Variants in TRANK1 observed in about 807,000 individuals in gnomAD.
The protein encoded by TRANK1 is TPR and ankyrin repeat-containing protein 1.
Under a neutral mutation model 266.0 loss-of-function variants are expected in TRANK1, and 198 were observed. That is an observed-to-expected ratio of 0.74 (90% CI 0.66 to 0.84). The LOEUF (loss-of-function observed/expected upper bound fraction) is 0.84. Ranked by LOEUF, TRANK1 falls within the 40% of genes least tolerant of loss-of-function variation. The probability of loss-of-function intolerance (pLI) is 0.00; values close to 1 mark genes in which losing one functional copy is unlikely to be tolerated. For synonymous variants in TRANK1, 1,396 were observed against 1,384.1 expected, an observed-to-expected ratio of 1.01 and a Z score of -0.19; for missense variants, 3,326 against 3,634.6, an observed-to-expected ratio of 0.92 and a Z score of 2.18.
rs2078733539 is a variant in TRANK1, at chr3:36,833,938, C to A, written c.5664-19G>T. On this transcript the variant is annotated intron_variant, in intron 21 of 23. Transcript: ENST00000645898. ...TTCATACCTGCAAAGACAAAGGACA[C>A]AAATGTCAACTTGCCATCACCCAAT... 3 of 1,571,518 alleles carry A rather than the reference C, an allele frequency of 1.9e-6. No homozygotes were observed. The highest frequency in any genetic ancestry group is 2.6e-6 in the Non-Finnish European group (3 of 1,163,402).
chr3:36,864,193 C>G, intron 10 of TRANK1, 126 bp downstream of exon 10: 1 of 1,100,720 alleles, frequency 9.1e-7, no homozygotes. Flanking sequence ...TCTGTGCTGT[C>G]TGAATGTTTT....
chr3:36,920,987 C>G (rs1371935218), intron 1 of TRANK1, among the ~76,000 whole-genome samples: 3 of 152,206 alleles, frequency 2.0e-5, no homozygotes, highest in African/African-American at 7.2e-5. Flanking sequence ...CTCGTAGTTT[C>G]AGTAAACAAC....
chr3:36,894,955 T>C (rs1310666963), intron 5 of TRANK1, among the ~76,000 whole-genome samples: 1 of 152,242 alleles, frequency 6.6e-6, no homozygotes, highest in Non-Finnish European at 1.5e-5. Context: ...CTCAGCTCAA[T>C]GCCTGGCACT....
intron 10 of TRANK1, among the ~76,000 whole-genome samples, chr3:36,862,116 T>C (rs143554119): frequency 3.3e-5 from 5 of 152,298 alleles, no homozygotes; most frequent in Admixed American, 3.3e-4. Context: ...AAATAAATTT[T>C]TGTATAAGTA....
intron 1 of TRANK1, among the ~76,000 whole-genome samples, chr3:36,920,536 A>G (rs1275701006): frequency 6.6e-6 from 1 of 152,210 alleles, no homozygotes; most frequent in Non-Finnish European, 1.5e-5. Flanking sequence ...ATTCCAAGAC[A>G]GTGTTTTATC....
Position 36,855,420 on chromosome 3 carries a change from G to A in TRANK1, c.4302C>T (p.Leu1434=). Residue 1434 remains leucine (L), a synonymous_variant, in exon 13 of 24, where the codon CTC becomes CTT. Transcript: ENST00000645898. ...TAAAGTCTTGAATCTCATCACCATAGAGCTCGTGGATGGACCATGGGAGCA... is the reference window on the plus strand; with the variant it reads ...TAAAGTCTTGAATCTCATCACCATAAAGCTCGTGGATGGACCATGGGAGCA... The part of the protein sequence containing the change: ...LRVLPWSIHE[L]YGDEIQDFTQ... 6.2e-7 allele frequency: 1 copy of A among 1,614,032 alleles called. No individual in the cohort carries two copies. The highest frequency in any genetic ancestry group is 8.5e-7 in the Non-Finnish European group (1 of 1,179,902).
At position 36,944,772 on chromosome 3, in the gene TRANK1, C is replaced by T. The variant is rs1245306305; in HGVS notation, c.23+15G>A. ...AGGCCAGAGATGCCCCAGTGCTTCCCGCGCCGCTACGCACCTAGCTGCCCG... is the reference window on the plus strand; with the variant it reads ...AGGCCAGAGATGCCCCAGTGCTTCCTGCGCCGCTACGCACCTAGCTGCCCG... On this transcript the variant is annotated intron_variant, in intron 1 of 23. Coordinates refer to ENST00000645898, the MANE Select transcript of TRANK1 (RefSeq NM_001329998.2). 1.3e-6 allele frequency: 2 copies of T among 1,498,398 alleles called. No individual in the cohort carries two copies. The highest frequency in any genetic ancestry group is 2.1e-5 in the Admixed American group (1 of 47,190). The allele number at this position is 1,498,398 out of a possible 1,614,324, so 92.8% of individuals were successfully genotyped here.
intron 1 of TRANK1, among the ~76,000 whole-genome samples, chr3:36,917,451 G>A (rs1384109561): frequency 6.6e-6 from 1 of 152,170 alleles, no homozygotes; most frequent in Non-Finnish European, 1.5e-5. Context: ...AGGGGAAGGA[G>A]GAGGCAGGAG....
Position 36,827,846 on chromosome 3 carries a change from G to A in TRANK1, c.*429C>T. On this transcript the variant is annotated 3_prime_UTR_variant, in exon 24 of 24. Transcript: ENST00000645898. ...GCACACTTGATGCTGCAGCAGTGTGGCAGGAGATGAGGGAATCCATAGAGA... is the reference window on the plus strand; with the variant it reads ...GCACACTTGATGCTGCAGCAGTGTGACAGGAGATGAGGGAATCCATAGAGA... 1 of 163,094 alleles carries A rather than the reference G, an allele frequency of 6.1e-6. No homozygotes were observed. 10.1% of individuals were successfully genotyped at this position (163,094 alleles called of 1,614,324 possible).
chr3:36,942,799 G>A (rs1399416376), intron 1 of TRANK1, among the ~76,000 whole-genome samples: 1 of 150,736 alleles, frequency 6.6e-6, no homozygotes, highest in Non-Finnish European at 1.5e-5. Context: ...GAGAGCGGCG[G>A]AAACAGAACC....
At chr3:36,866,489 GC>G (rs2079229784) in intron 9 of TRANK1, among the ~76,000 whole-genome samples, 1 of 152,132 alleles carries the variant, frequency 6.6e-6, no homozygotes, top group Non-Finnish European at 1.5e-5. Context: ...GAGAGGGGAA[GC>G]CAAACCCAGG....
intron 13 of TRANK1, among the ~76,000 whole-genome samples, chr3:36,853,851 G>C (rs147130078): frequency 6.6e-6 from 1 of 152,308 alleles, no homozygotes; most frequent in East Asian, 1.9e-4. Flanking sequence ...TGTCACCGTG[G>C]AGTGGGAAGA....
rs760432778 is a variant in TRANK1, at chr3:36,830,874, G to T, written c.8709C>A (p.Gly2903=). ...GCCCCCATCTCTGCAGACCCTTACC[G>T]CCAGCCCAGGCCTTCCGCCTGTAGA... ...EDLYRRKAWA[G]AEEAMTRLVN... The change falls in exon 22 of 24, where the codon GGC becomes GGA. Residue 2903 remains glycine, a splice_region_variant and synonymous_variant. Coordinates refer to ENST00000645898, the MANE Select transcript of TRANK1 (RefSeq NM_001329998.2). The T allele has an allele frequency of 1.3e-6, 2 of 1,597,058 alleles. No individual in the cohort carries two copies. The highest frequency in any genetic ancestry group is 4.5e-5 in the East Asian group (2 of 44,620).
At chr3:36,837,153 A>G (rs1476474705) in intron 20 of TRANK1, among the ~76,000 whole-genome samples, 2 of 152,132 alleles carry the variant, frequency 1.3e-5, no homozygotes, top group Non-Finnish European at 2.9e-5. Context: ...CCAGTTCCCA[A>G]ATGCATTCTA....
intron 3 of TRANK1, among the ~76,000 whole-genome samples, chr3:36,899,480 C>T (rs1461611733): frequency 6.6e-6 from 1 of 152,094 alleles, no homozygotes. Flanking sequence ...CATAGTGAGA[C>T]CTTGTCTCTA....
chr3:36,917,955 A>C (rs750750653), intron 1 of TRANK1, among the ~76,000 whole-genome samples: 12 of 152,208 alleles, frequency 7.9e-5, no homozygotes, highest in Non-Finnish European at 1.6e-4. Flanking sequence ...CTTGAGTAAC[A>C]CTACCCTAGA....
chr3:36,856,862 A>T lies in TRANK1; in HGVS notation c.2860T>A (p.Ser954Thr). The change falls in exon 13 of 24, where the codon TCC becomes ACC. Residue 954 changes from serine (S) to threonine (T), a missense_variant. Physicochemically the swap from Ser to Thr is moderately conservative, Grantham distance 58 (BLOSUM62 1). Coordinates refer to ENST00000645898, the MANE Select transcript of TRANK1 (RefSeq NM_001329998.2). ...TAGGCATTGCAGATGGCCTTGATGGAATCAGCCAGTTTGCAGTGATCTAAG... is the reference window on the plus strand; with the variant it reads ...TAGGCATTGCAGATGGCCTTGATGGTATCAGCCAGTTTGCAGTGATCTAAG... Reference protein sequence around the residue: ...IVLDHCKLADSIKAICNAYNR... With the variant: ...IVLDHCKLADTIKAICNAYNR... 6.2e-7 allele frequency: 1 copy of T among 1,614,028 alleles called. No individual in the cohort carries two copies. Among genetic ancestry groups the T allele is most frequent in the Non-Finnish European group, 8.5e-7 (1 of 1,179,874 alleles).
chr3:36,847,275 T>C lies in TRANK1; in HGVS notation c.4959A>G (p.Pro1653=), dbSNP rs528272173. ...GTTTGTCCAGGGGTACTTCAACCAA[T>C]GGCCGGTTTTCCTCTCTGGAGTCAG... The part of the protein sequence containing the change: ...TSTDSREENR[P]LVEVPLDKPG... Residue 1653 remains proline (P), a synonymous_variant, in exon 16 of 24, where the codon CCA becomes CCG. Transcript: ENST00000645898. The C allele has an allele frequency of 2.4e-5, 38 of 1,613,686 alleles. No homozygotes were observed. The East Asian group carries it at 7.4e-4, about 31-fold the overall frequency.
At chr3:36,898,657 C>T (rs2079829523) in intron 4 of TRANK1, among the ~76,000 whole-genome samples, 1 of 152,018 alleles carries the variant, frequency 6.6e-6, no homozygotes, top group Non-Finnish European at 1.5e-5. Flanking sequence ...TAAGGCCATC[C>T]TGGCCAATAT....
Sources: allele counts gnomAD v4.1 joint callset (sites outside exome capture counted in the v4.1 genomes callset), GRCh38; gene constraint gnomAD v4.1.1; transcripts MANE v1.5; gene names NCBI Gene and HGNC (gene_info 2026-07-23, HGNC 2026-07-21).